Variants in CDK14 observed in about 807,000 individuals in gnomAD.
CDK14 encodes the protein cyclin-dependent kinase 14.
A neutral mutation model predicts 60.7 loss-of-function variants in CDK14; 34 were observed. The observed-to-expected ratio is 0.56, with a 90% confidence interval of 0.43 to 0.75. CDK14 has a LOEUF of 0.75. Ranked by LOEUF, CDK14 falls within the 30% of genes least tolerant of loss-of-function variation. CDK14 has a pLI of 0.00. For missense variants in CDK14, 482 were observed against 564.1 expected (o/e 0.85, Z 1.47); for synonymous variants, 197 against 203.7 (o/e 0.97, Z 0.28).
chr7:90,851,209 G>A (rs1428656359), intron 5 of CDK14, among the ~76,000 whole-genome samples: 1 of 152,122 alleles, frequency 6.6e-6, no homozygotes, highest in Non-Finnish European at 1.5e-5. Flanking sequence ...TCAAATAAAG[G>A]GTTGGATTGG....
intron 12 of CDK14, among the ~76,000 whole-genome samples, chr7:91,102,488 CAAT>C (rs1484276790): frequency 6.6e-6 from 1 of 151,988 alleles, no homozygotes; most frequent in Non-Finnish European, 1.5e-5. Flanking sequence ...TGAGCTAAAA[CAAT>C]AAATTCCAGT....
chr7:90,681,193 A>G (rs1329548975), intron 2 of CDK14, among the ~76,000 whole-genome samples: 1 of 152,176 alleles, frequency 6.6e-6, no homozygotes, highest in Non-Finnish European at 1.5e-5. Flanking sequence ...ACTATTATAT[A>G]TCGCCTGGCA....
chr7:90,855,721 T>C (rs1226107847), intron 5 of CDK14, among the ~76,000 whole-genome samples: 1 of 152,200 alleles, frequency 6.6e-6, no homozygotes, highest in African/African-American at 2.4e-5. Flanking sequence ...CACGTACAAT[T>C]GCTGTGTTAG....
chr7:91,032,766 A>T (rs914374996), intron 10 of CDK14, among the ~76,000 whole-genome samples: 2 of 152,208 alleles, frequency 1.3e-5, no homozygotes, highest in Non-Finnish European at 2.9e-5. Context: ...GTGAGAGAGC[A>T]CATTTCTCGT....
At chr7:90,863,311 G>A (rs756381826) in intron 6 of CDK14, 42 bp downstream of exon 6, 1 of 1,201,432 alleles carries the variant, frequency 8.3e-7, no homozygotes, top group East Asian at 2.4e-5. Flanking sequence ...TTTAAAATAT[G>A]AATGAAATTC....
At position 90,979,185 on chromosome 7, in the gene CDK14, C is replaced by T. The variant is rs549079318; in HGVS notation, c.948-4963C>T. ...TGAAATTAGAATTTCAGGTAATGTT[C>T]GTATGTCACCAAATATTCTTCTTTC... On this transcript the variant is annotated intron_variant, in intron 9 of 14. Transcript: ENST00000380050. Among the ~76,000 whole-genome samples, 8 of 152,228 alleles carry T rather than the reference C, an allele frequency of 5.3e-5. No homozygotes were observed. In the East Asian group the frequency reaches 9.6e-4, roughly 18 times the overall value.
chr7:90,835,724 A>G (rs1790072964), intron 5 of CDK14, among the ~76,000 whole-genome samples: 2 of 152,158 alleles, frequency 1.3e-5, no homozygotes, highest in Admixed American at 6.6e-5. Context: ...GTGGGTATAT[A>G]TTAAGTCCTG....
intron 2 of CDK14, among the ~76,000 whole-genome samples, chr7:90,703,862 G>T (rs1176756808): frequency 6.6e-6 from 1 of 152,172 alleles, no homozygotes; most frequent in Non-Finnish European, 1.5e-5. Context: ...AAGGAGGGTG[G>T]ATCACTTGAG....
intron 11 of CDK14, among the ~76,000 whole-genome samples, chr7:91,050,281 A>G (rs1470644984): frequency 6.6e-6 from 1 of 152,124 alleles, no homozygotes; most frequent in Non-Finnish European, 1.5e-5. Flanking sequence ...GCCAGAGAAG[A>G]AGCAGGGGGA....
At chr7:90,598,936 C>T (rs948373102) in intron 1 of CDK14, among the ~76,000 whole-genome samples, 13 of 151,812 alleles carry the variant, frequency 8.6e-5, no homozygotes, top group African/African-American at 3.1e-4. Context: ...GATCTCCTGA[C>T]CTCGTGATCC....
intron 2 of CDK14, among the ~76,000 whole-genome samples, chr7:90,690,125 A>T (rs533920306): frequency 2.0e-5 from 3 of 152,304 alleles, no homozygotes; most frequent in African/African-American, 7.2e-5. Context: ...ACTAGGCATA[A>T]TTTTTGATAA....
chr7:90,889,879 TATG>T (rs1343394859), intron 6 of CDK14, among the ~76,000 whole-genome samples: 1 of 152,212 alleles, frequency 6.6e-6, no homozygotes, highest in Non-Finnish European at 1.5e-5. Flanking sequence ...TACCATGTCT[TATG>T]ATGCAACTTG....
At chr7:90,858,540 G>T (rs146840564) in intron 5 of CDK14, among the ~76,000 whole-genome samples, 5,368 of 152,290 alleles carry the variant, frequency 0.035, 138 homozygotes, top group Non-Finnish European at 0.049. Flanking sequence ...TGACAAGATT[G>T]CAAATAATGT....
At chr7:90,892,659 T>C (rs891267155) in intron 6 of CDK14, among the ~76,000 whole-genome samples, 5 of 152,244 alleles carry the variant, frequency 3.3e-5, no homozygotes, top group African/African-American at 1.2e-4. Context: ...AAGAGGGTTA[T>C]GATTTCAGAT....
intron 2 of CDK14, among the ~76,000 whole-genome samples, chr7:90,700,970 G>C (rs1420721601): frequency 1.3e-5 from 2 of 152,150 alleles, no homozygotes; most frequent in African/African-American, 4.8e-5. Flanking sequence ...AAATCTTTCA[G>C]TCGTGAAATA....
intron 2 of CDK14, among the ~76,000 whole-genome samples, chr7:90,676,900 A>G (rs1333126280): frequency 4.0e-5 from 6 of 151,714 alleles, no homozygotes; most frequent in Non-Finnish European, 4.4e-5. Flanking sequence ...AGCCAAAGAA[A>G]CTAGCCTTGC....
In CDK14 at chr7:91,089,860, A is replaced by G. The variant is rs73400948; in HGVS notation, c.1154+10380A>G. 8.1e-3 allele frequency among the ~76,000 whole-genome samples: 1,234 copies of G among 152,276 alleles called. 18 individuals carry two copies. The highest frequency in any genetic ancestry group is 0.027 in the African/African-American group (1,141 of 41,560). On this transcript the variant is annotated intron_variant, in intron 12 of 14. Transcript: ENST00000380050. Reference sequence around the variant, plus strand: ...ATTATATTTATAAAGATAAATACAAATGGAATTTTTTTCATTTGGCTCTCA... The same window carrying G: ...ATTATATTTATAAAGATAAATACAAGTGGAATTTTTTTCATTTGGCTCTCA...
At chr7:90,781,733 G>C (rs1395011148) in intron 4 of CDK14, among the ~76,000 whole-genome samples, 1 of 151,046 alleles carries the variant, frequency 6.6e-6, no homozygotes, top group African/African-American at 2.4e-5. Context: ...TTGTAGATAT[G>C]CGGCATTATT....
chr7:91,044,153 G>T (rs908051576), intron 10 of CDK14, among the ~76,000 whole-genome samples: 1 of 151,516 alleles, frequency 6.6e-6, no homozygotes, highest in Non-Finnish European at 1.5e-5. Context: ...GCTGCAGCTG[G>T]GTTTTATGCA....
Sources: gnomAD v4.1 joint callset for allele counts (sites outside exome capture counted in the v4.1 genomes callset) on GRCh38, gnomAD v4.1.1 for gene constraint, MANE v1.5 for transcripts, NCBI Gene and HGNC (gene_info 2026-07-23, HGNC 2026-07-21) for gene names.